Variants in SPEN observed in about 807,000 individuals in gnomAD.
SPEN encodes spen family transcriptional repressor.
SPEN carries 18 observed loss-of-function variants against 269.9 expected under a neutral mutation model. The ratio of observed to expected loss-of-function variants is 0.07; its 90% CI spans 0.05 to 0.10. The LOEUF is 0.10. SPEN is among the 10% of genes least tolerant of loss of function. The probability of loss-of-function intolerance (pLI) is 1.00; values close to 1 mark genes in which losing one functional copy is unlikely to be tolerated. For missense variants in SPEN, 3,822 were observed against 4,631.2 expected, an observed-to-expected ratio of 0.83 and a Z score of 5.07; for synonymous variants, 1,726 against 1,765.7, an observed-to-expected ratio of 0.98 and a Z score of 0.56.
At chr1:15,916,055 A>G in intron 5 of SPEN, 73 bp from the exon 6 acceptor site, 1 of 1,495,764 alleles carries the variant, frequency 6.7e-7, no homozygotes, top group Non-Finnish European at 8.9e-7. Flanking sequence ...TTAAATGTAG[A>G]TTTTTCCATG....
intron 3 of SPEN, among the ~76,000 whole-genome samples, chr1:15,877,928 A>G (rs577028432): frequency 9.2e-5 from 14 of 151,620 alleles, no homozygotes; most frequent in Non-Finnish European, 2.1e-4. Flanking sequence ...TATTTTTAGT[A>G]GAAACGGGGT....
In SPEN at chr1:15,882,352, C is replaced by A. The variant is rs142878080; in HGVS notation, c.881+5674C>A. On this transcript the variant is annotated intron_variant, in intron 3 of 14. Coordinates refer to ENST00000375759, the MANE Select transcript of SPEN (RefSeq NM_015001.3). ...TTCCCTATTATTGGATTCCCGCCCCCCCAATCAAGTTGTAAGAATTTCCTT... is the reference window on the plus strand; with the variant it reads ...TTCCCTATTATTGGATTCCCGCCCCACCAATCAAGTTGTAAGAATTTCCTT... Among the ~76,000 whole-genome samples the A allele has an allele frequency of 1.6e-3, 251 of 152,208 alleles. 1 individual carries two copies. The highest frequency in any genetic ancestry group is 2.8e-3 in the Non-Finnish European group (193 of 68,010).
At position 15,848,660 on chromosome 1, in the gene SPEN, A is replaced by C. The variant is rs2070302064; in HGVS notation, c.83+510A>C. On this transcript the variant is annotated intron_variant, in intron 1 of 14. Transcript: ENST00000375759. The surrounding 1 kb of genome is among the most constrained non-coding windows in gnomAD (Gnocchi z 5.1). ...AAGGCGGTGCGAAAACAGAAGTCGCAGTAGGTACTGTGGTCGCGTCGCGGA... is the reference window on the plus strand; with the variant it reads ...AAGGCGGTGCGAAAACAGAAGTCGCCGTAGGTACTGTGGTCGCGTCGCGGA... Among the ~76,000 whole-genome samples, 1 of 152,170 alleles carries C rather than the reference A, an allele frequency of 6.6e-6. No individual in the cohort carries two copies. The highest frequency in any genetic ancestry group is 1.5e-5 in the Non-Finnish European group (1 of 68,020).
intron 1 of SPEN, among the ~76,000 whole-genome samples, chr1:15,852,240 CAGA>C (rs969766143): frequency 1.3e-5 from 2 of 152,050 alleles, no homozygotes; most frequent in African/African-American, 4.8e-5. Context: ...CATTTGAGAC[CAGA>C]AGGTTTCTAT....
intron 3 of SPEN, among the ~76,000 whole-genome samples, chr1:15,892,616 C>T (rs1050126713): frequency 7.9e-5 from 12 of 152,090 alleles, no homozygotes; most frequent in African/African-American, 2.9e-4. Context: ...ATTCCATCTT[C>T]AACACTTCAA....
intron 6 of SPEN, 61 bp from the exon 7 acceptor site, chr1:15,918,865 T>G (rs2071089844): frequency 2.2e-5 from 31 of 1,417,302 alleles, no homozygotes; most frequent in Non-Finnish European, 2.9e-5. Context: ...TATATGGACT[T>G]GGTTCATTCT....
At chr1:15,927,904 T>G (rs2071183032) in intron 10 of SPEN, among the ~76,000 whole-genome samples, 187 bp from the exon 11 acceptor site, 1 of 152,248 alleles carries the variant, frequency 6.6e-6, no homozygotes, top group Non-Finnish European at 1.5e-5. Flanking sequence ...TCAATTTAGC[T>G]AGATTTCAAG....
chr1:15,916,151 C>T lies in SPEN; in HGVS notation c.1267C>T (p.Arg423Cys). The change falls in exon 6 of 15, where the codon CGC (arginine) becomes TGC (cysteine). Residue 423 changes from arginine (R) to cysteine (C), a missense_variant. Arg to Cys is a radical substitution (Grantham distance 180, BLOSUM62 -3). Around this residue, in one of 16 missense-constraint regions of SPEN, gnomAD observed 230 missense variants for 426.1 expected, o/e 0.54. Coordinates refer to ENST00000375759, the MANE Select transcript of SPEN (RefSeq NM_015001.3). ...AGAAACAGAAAGTGAAAATGAATTT[C>T]GCCCCTTGGATGAAAGGATAGATGA... The part of the protein sequence containing the change: ...GPETESENEF[R>C]PLDERIDEFH... 2 of 1,611,432 alleles carry T rather than the reference C, an allele frequency of 1.2e-6. No individual in the cohort carries two copies. The highest frequency in any genetic ancestry group is 1.7e-6 in the Non-Finnish European group (2 of 1,179,210).
chr1:15,903,223 A>G (rs2070920143), intron 3 of SPEN, among the ~76,000 whole-genome samples: 1 of 152,306 alleles, frequency 6.6e-6, no homozygotes, highest in African/African-American at 2.4e-5. Context: ...GAATCCTAGC[A>G]TCCTATATTC....
chr1:15,938,012 ACT>A lies in SPEN; in HGVS notation c.10704+10_10704+11del, dbSNP rs764195584. 4 of 1,595,682 alleles carry A rather than the reference ACT, an allele frequency of 2.5e-6. No homozygotes were observed. In the African/African-American group the frequency reaches 4.1e-5, roughly 16 times the overall value. Reference sequence around the variant, plus strand: ...GGGTTGCCCGAAGGATGACGGTAAGACTCTCAGGCCCAGGTGAGCAACTGCCC... The same window carrying A: ...GGGTTGCCCGAAGGATGACGGTAAGACTCAGGCCCAGGTGAGCAACTGCCC... On this transcript the variant is annotated splice_region_variant and intron_variant, in intron 13 of 14. Transcript: ENST00000375759.
At chr1:15,856,860 G>A (rs954500847) in intron 1 of SPEN, among the ~76,000 whole-genome samples, 6 of 151,650 alleles carry the variant, frequency 4.0e-5, no homozygotes, top group Non-Finnish European at 8.8e-5. Context: ...AAGCCACTGC[G>A]CCTGGCCTAG....
chr1:15,918,729 G>A (rs2071088876), intron 6 of SPEN, among the ~76,000 whole-genome samples, 197 bp from the exon 7 acceptor site: 3 of 152,142 alleles, frequency 2.0e-5, no homozygotes, highest in Admixed American at 2.0e-4. Flanking sequence ...GGATTTCATG[G>A]TTTGTGACAA....
chr1:15,919,868 A>C (rs750998389), intron 8 of SPEN, among the ~76,000 whole-genome samples: 10 of 152,142 alleles, frequency 6.6e-5, no homozygotes, highest in Non-Finnish European at 1.2e-4. Flanking sequence ...ATGTAATTAG[A>C]CTTTTTTAAA....
chr1:15,855,126 G>A (rs146526679), intron 1 of SPEN, among the ~76,000 whole-genome samples: 1 of 152,150 alleles, frequency 6.6e-6, no homozygotes, highest in South Asian at 2.1e-4. Context: ...AGATTTGTGG[G>A]AAAATTCAAA....
chr1:15,938,091 C>A, intron 13 of SPEN, 85 bp downstream of exon 13: 1 of 1,228,986 alleles, frequency 8.1e-7, no homozygotes, highest in Non-Finnish European at 1.1e-6. Context: ...TCTCCCTGGC[C>A]TGTCATGGAA....
At chr1:15,925,787 CA>C (rs2071160640) in intron 10 of SPEN, among the ~76,000 whole-genome samples, 1 of 152,076 alleles carries the variant, frequency 6.6e-6, no homozygotes, top group Non-Finnish European at 1.5e-5. Context: ...AAATATGACT[CA>C]AGCCTACCAT....
At chr1:15,890,893 T>C (rs1055162638) in intron 3 of SPEN, among the ~76,000 whole-genome samples, 2 of 152,274 alleles carry the variant, frequency 1.3e-5, no homozygotes, top group East Asian at 3.9e-4. Context: ...CTGGTTTCTT[T>C]CACTTAATAT....
rs570791644 is a variant in SPEN at position 15,879,959 on chromosome 1, C to T, written c.881+3281C>T. 1.4e-4 allele frequency among the ~76,000 whole-genome samples: 22 copies of T among 151,994 alleles called. No individual in the cohort carries two copies. In the South Asian group the frequency reaches 2.9e-3, roughly 20 times the overall value. On this transcript the variant is annotated intron_variant, in intron 3 of 14. Transcript: ENST00000375759. Reference sequence around the variant, plus strand: ...TGCTGGGATTACAGGCGTGAGCCACCGCGCCTGGCCCAGCAGACAAATTTA... The same window carrying T: ...TGCTGGGATTACAGGCGTGAGCCACTGCGCCTGGCCCAGCAGACAAATTTA...
intron 1 of SPEN, among the ~76,000 whole-genome samples, chr1:15,854,913 TC>T (rs1237902807): frequency 5.3e-5 from 8 of 152,314 alleles, no homozygotes; most frequent in South Asian, 2.1e-4. Context: ...CTACATGTAT[TC>T]CTGTCTGCCA....
Sources: allele counts gnomAD v4.1 joint callset (sites outside exome capture counted in the v4.1 genomes callset), GRCh38; gene constraint gnomAD v4.1.1; regional missense constraint gnomAD v4.1.1; non-coding constraint Gnocchi (gnomAD v3.1); transcripts MANE v1.5; gene names NCBI Gene and HGNC (gene_info 2026-07-23, HGNC 2026-07-21).